CCDC85C: variants seen among roughly 807,000 people sequenced by gnomAD.
CCDC85C encodes coiled-coil domain containing 85C.
A neutral mutation model predicts 38.3 loss-of-function variants in CCDC85C; 18 were observed. The observed-to-expected ratio is 0.47, with a 90% CI of 0.33 to 0.70. The LOEUF is 0.70. Among genes scored for constraint, CCDC85C ranks in the 30% least tolerant of loss-of-function variants. The pLI, the probability that CCDC85C is intolerant of heterozygous loss-of-function variation, is 0.03. For missense variants in CCDC85C, 566 were observed against 621.2 expected (o/e 0.91, Z 0.94); for synonymous variants, 264 against 293.8 (o/e 0.90, Z 1.04).
chr14:99,545,250 G>A lies in CCDC85C; in HGVS notation c.794-9162C>T, dbSNP rs565804886. ...TGCCTGCCTCTCCCCAGCTTCAGGG[G>A]CCACTGGGCACCCAGCATTTAATTC... is the stretch of plus-strand genomic sequence containing the variant. On this transcript the variant is annotated intron_variant, in intron 1 of 5. Coordinates refer to ENST00000380243, the MANE Select transcript of CCDC85C (RefSeq NM_001144995.2). This position sits in a 1 kb window ranked among gnomAD's most constrained non-coding sequence, Gnocchi z 4.7. 5.3e-5 allele frequency among the ~76,000 whole-genome samples: 8 copies of A among 152,232 alleles called. No individual in the cohort carries two copies. The highest frequency in any genetic ancestry group is 2.1e-4 in the South Asian group (1 of 4,824).
chr14:99,549,964 G>C (rs1897877982), intron 1 of CCDC85C, among the ~76,000 whole-genome samples: 1 of 152,204 alleles, frequency 6.6e-6, no homozygotes, highest in Non-Finnish European at 1.5e-5. Context: ...TTCAGAAGAG[G>C]CAGTGTAGTG....
Position 99,506,875 on chromosome 14 carries a change from T to TG in CCDC85C, c.*8370_*8371insC. 1 of 550,718 alleles carries TG rather than the reference T, an allele frequency of 1.8e-6. No homozygotes were observed. The highest frequency in any genetic ancestry group is 3.0e-5 in the Admixed American group (1 of 33,300). 34.1% of individuals were successfully genotyped at this position (550,718 alleles called of 1,614,324 possible). A position where few individuals can be genotyped will look rare whatever the true frequency, so the allele number is the denominator to read the frequency against. ...CTGCCTGTGGGAAGCTCGCAGGTCT[T>TG]TTGGAGGGAGGTGGCATTTAATTTG... On this transcript the variant is annotated 3_prime_UTR_variant, in exon 6 of 6. Transcript: ENST00000380243.
chr14:99,546,967 G>A (rs564822868), intron 1 of CCDC85C, among the ~76,000 whole-genome samples: 1 of 152,250 alleles, frequency 6.6e-6, no homozygotes, highest in East Asian at 1.9e-4. Context: ...CCAGGAGTTA[G>A]AGACCAGCCT....
At chr14:99,599,309 G>A in intron 1 of CCDC85C, among the ~76,000 whole-genome samples, 1 of 152,150 alleles carries the variant, frequency 6.6e-6, no homozygotes, top group Middle Eastern at 3.2e-3. Context: ...GTTCCTCCAG[G>A]TTGGCTAAAG....
Position 99,535,653 on chromosome 14 carries a change from G to A in CCDC85C, c.867+362C>T, listed in dbSNP as rs561438948. On this transcript the variant is annotated intron_variant, in intron 2 of 5. Transcript: ENST00000380243. The surrounding 1 kb of genome is among the most constrained non-coding windows in gnomAD (Gnocchi z 5.5). ...AGGTACCGGCCAGTGAGTCCAGCAC[G>A]GCAGAGGCGGGGAGGCTTCCGTGTG... is the stretch of plus-strand genomic sequence containing the variant. Among the ~76,000 whole-genome samples the A allele has an allele frequency of 3.3e-4, 50 of 152,278 alleles. No homozygotes were observed. The East Asian group carries it at 8.7e-3, about 27-fold the overall frequency.
chr14:99,518,372 C>T (rs1897256571), intron 3 of CCDC85C, among the ~76,000 whole-genome samples: 1 of 152,126 alleles, frequency 6.6e-6, no homozygotes. Context: ...TCCGGAGGCC[C>T]CCCGAGCCCT....
At chr14:99,549,646 C>T (rs1245234347) in intron 1 of CCDC85C, among the ~76,000 whole-genome samples, 2 of 152,142 alleles carry the variant, frequency 1.3e-5, no homozygotes, top group East Asian at 1.9e-4. Flanking sequence ...ACACTGTCCC[C>T]GAAATTAGGC....
At chr14:99,575,635 T>C (rs1366372281) in intron 1 of CCDC85C, among the ~76,000 whole-genome samples, 2 of 152,210 alleles carry the variant, frequency 1.3e-5, no homozygotes, top group Admixed American at 6.5e-5. Flanking sequence ...CCTGTATGAA[T>C]TGTGCCTCTG....
chr14:99,558,363 C>A lies in CCDC85C; in HGVS notation c.794-22275G>T, dbSNP rs1489318411. The stretch of plus-strand genomic sequence containing the variant: ...TAGTCAAGGTAAGGTCCAGAGGAGA[C>A]CACACTGTATTAGGGTGGCCCTAAA... On this transcript the variant is annotated intron_variant, in intron 1 of 5. Coordinates refer to ENST00000380243, the MANE Select transcript of CCDC85C (RefSeq NM_001144995.2). This position sits in a 1 kb window ranked among gnomAD's most constrained non-coding sequence, Gnocchi z 4.2. Among the ~76,000 whole-genome samples, 1 of 152,192 alleles carries A rather than the reference C, an allele frequency of 6.6e-6. No individual in the cohort carries two copies. Among genetic ancestry groups the A allele is most frequent in the African/African-American group, 2.4e-5 (1 of 41,440 alleles).
At chr14:99,527,222 G>A (rs1313449604) in intron 2 of CCDC85C, among the ~76,000 whole-genome samples, 6 of 152,186 alleles carry the variant, frequency 3.9e-5, no homozygotes, top group African/African-American at 7.2e-5. Context: ...GTGTAATGAC[G>A]TTGTTGGTTT....
intron 1 of CCDC85C, among the ~76,000 whole-genome samples, chr14:99,547,227 C>A (rs1394472411): frequency 6.6e-6 from 1 of 152,048 alleles, no homozygotes; most frequent in African/African-American, 2.4e-5. Flanking sequence ...ATAACAAAAA[C>A]TTCGGCTTTT....
chr14:99,560,840 A>G (rs904144719), intron 1 of CCDC85C, among the ~76,000 whole-genome samples: 3 of 152,220 alleles, frequency 2.0e-5, no homozygotes, highest in Non-Finnish European at 4.4e-5. Context: ...ACCAGGGCCC[A>G]TGGGAGCCAA....
chr14:99,574,755 C>CTA (rs1898436223), intron 1 of CCDC85C, among the ~76,000 whole-genome samples: 1 of 152,220 alleles, frequency 6.6e-6, no homozygotes, highest in African/African-American at 2.4e-5. Context: ...GTCAGGTGGC[C>CTA]TGACCACTCA....
At position 99,516,325 on chromosome 14, in the gene CCDC85C, C is replaced by T. The variant is rs1289360958; in HGVS notation, c.1072-39G>A. On this transcript the variant is annotated intron_variant, in intron 4 of 5. Transcript: ENST00000380243. This position sits in a 1 kb window ranked among gnomAD's most constrained non-coding sequence, Gnocchi z 5.5. ...GTCTCGGGGTCAGGGGCAGAGGCCA[C>T]CGGCAGACCTCGGGCAAGTCACCTG... 34 of 1,457,554 alleles carry T rather than the reference C, an allele frequency of 2.3e-5. No homozygotes were observed. The highest frequency in any genetic ancestry group is 2.9e-5 in the Non-Finnish European group (31 of 1,063,412). The allele number at this position is 1,457,554 out of a possible 1,614,324, so 90.3% of individuals were successfully genotyped here. A position where few individuals can be genotyped will look rare whatever the true frequency, so the allele number is the denominator to read the frequency against.
chr14:99,503,781 C>A lies in CCDC85C; in HGVS notation c.*11465G>T. The A allele has an allele frequency of 1.4e-6, 1 of 692,426 alleles. No homozygotes were observed. Among genetic ancestry groups the A allele is most frequent in the Non-Finnish European group, 2.4e-6 (1 of 409,048 alleles). The allele number at this position is 692,426 out of a possible 1,614,324, so 42.9% of individuals were successfully genotyped here. ...TAGAGCTCATACAAAACTTTTCCAT[C>A]AGCATTGTCTTTCTGTTCATCACCT... On this transcript the variant is annotated 3_prime_UTR_variant, in exon 6 of 6. Coordinates refer to ENST00000380243, the MANE Select transcript of CCDC85C (RefSeq NM_001144995.2).
chr14:99,526,382 C>T lies in CCDC85C; in HGVS notation c.868-4142G>A, dbSNP rs535465799. Among the ~76,000 whole-genome samples, 4 of 152,340 alleles carry T rather than the reference C, an allele frequency of 2.6e-5. No individual in the cohort carries two copies. The East Asian group carries it at 5.8e-4, about 22-fold the overall frequency. On this transcript the variant is annotated intron_variant, in intron 2 of 5. Transcript: ENST00000380243. ...TGTGCTAAGATGGTCTCCAGGTCCC[C>T]GTGGTCACTGTGCAGTCCCCAGGCT...
chr14:99,546,066 G>A (rs369289775), intron 1 of CCDC85C, among the ~76,000 whole-genome samples: 2,695 of 151,980 alleles, frequency 0.018, 39 homozygotes, highest in African/African-American at 0.038. Flanking sequence ...ATGGGGGGGG[G>A]GAATAAACAA....
At chr14:99,529,395 TTTTTG>T (rs909257693) in intron 2 of CCDC85C, among the ~76,000 whole-genome samples, 1 of 152,040 alleles carries the variant, frequency 6.6e-6, no homozygotes, top group Non-Finnish European at 1.5e-5. Flanking sequence ...TTCTTTTGTT[TTTTTG>T]TTTTGTTTTA....
intron 1 of CCDC85C, among the ~76,000 whole-genome samples, chr14:99,575,954 G>A (rs941559): frequency 0.08 from 12,163 of 152,194 alleles, 795 homozygotes; most frequent in African/African-American, 0.18. Context: ...AATCACACAC[G>A]TGGGCTGAGA....
Sources: allele counts gnomAD v4.1 joint callset (sites outside exome capture counted in the v4.1 genomes callset), GRCh38; gene constraint gnomAD v4.1.1; non-coding constraint Gnocchi (gnomAD v3.1); transcripts MANE v1.5; gene names NCBI Gene and HGNC (gene_info 2026-07-23, HGNC 2026-07-21).